The following COL14A1 variants were observed in gnomAD, a reference collection of about 807,000 sequenced individuals.
The protein encoded by COL14A1 is collagen type XIV alpha 1 chain, also known as collagen alpha-1(XIV) chain.
In COL14A1, 136 loss-of-function variants were observed where a neutral mutation model predicts 230.3. That is an observed-to-expected ratio of 0.59 (90% CI 0.51 to 0.68). The LOEUF is 0.68. Among genes scored for constraint, COL14A1 ranks in the 30% least tolerant of loss-of-function variants. The probability of loss-of-function intolerance (pLI) is 0.00; values close to 1 mark genes in which losing one functional copy is unlikely to be tolerated. For synonymous variants in COL14A1, 792 were observed against 784.1 expected (o/e 1.01, Z -0.17); for missense variants, 1,976 against 2,215.8 (o/e 0.89, Z 2.17).
chr8:120,164,256 G>A (rs1815788740), intron 4 of COL14A1, among the ~76,000 whole-genome samples: 1 of 152,044 alleles, frequency 6.6e-6, no homozygotes, highest in African/African-American at 2.4e-5. Context: ...ATTATTTTTT[G>A]AGGAAATCAC....
chr8:120,140,270 C>T (rs1398188559), intron 1 of COL14A1, among the ~76,000 whole-genome samples: 1 of 151,908 alleles, frequency 6.6e-6, no homozygotes, highest in African/African-American at 2.4e-5. Flanking sequence ...AATATGATTG[C>T]TGGCAATCTT....
At chr8:120,313,582 C>G (rs1821113035) in intron 37 of COL14A1, among the ~76,000 whole-genome samples, 1 of 152,020 alleles carries the variant, frequency 6.6e-6, no homozygotes, top group Non-Finnish European at 1.5e-5. Flanking sequence ...GTGAACCTTC[C>G]CAGACTAGGA....
chr8:120,282,579 AT>A (rs1820071530), intron 31 of COL14A1, among the ~76,000 whole-genome samples: 1 of 152,200 alleles, frequency 6.6e-6, no homozygotes, highest in South Asian at 2.1e-4. Context: ...ATGAATATTT[AT>A]TTTTATCTAT....
chr8:120,320,438 A>T (rs1821398207), intron 40 of COL14A1, among the ~76,000 whole-genome samples: 1 of 152,146 alleles, frequency 6.6e-6, no homozygotes, highest in Admixed American at 6.5e-5. Context: ...ATGCTTCTAG[A>T]TTATGCAGGT....
chr8:120,142,259 C>A (rs1254792105), intron 1 of COL14A1, among the ~76,000 whole-genome samples: 1 of 152,158 alleles, frequency 6.6e-6, no homozygotes, highest in Non-Finnish European at 1.5e-5. Context: ...GTGTGACTGG[C>A]AGATTTACTG....
At chr8:120,208,470 T>A in intron 11 of COL14A1, 109 bp downstream of exon 11, 1 of 1,180,638 alleles carries the variant, frequency 8.5e-7, no homozygotes, top group Non-Finnish European at 1.2e-6. Context: ...CTGAATCGAA[T>A]TCAATCAAAT....
intron 17 of COL14A1, among the ~76,000 whole-genome samples, chr8:120,228,152 C>T (rs572207263): frequency 1.5e-4 from 23 of 152,242 alleles, no homozygotes; most frequent in East Asian, 5.8e-4. Flanking sequence ...TGAACTCAGG[C>T]GAGACAGTTC....
chr8:120,228,395 A>G (rs1274362062), intron 17 of COL14A1, among the ~76,000 whole-genome samples: 1 of 152,164 alleles, frequency 6.6e-6, no homozygotes, highest in Non-Finnish European at 1.5e-5. Context: ...ATTTCCCTTA[A>G]TTACCATGGC....
At chr8:120,195,728 C>T (rs190770026) in intron 5 of COL14A1, among the ~76,000 whole-genome samples, 27 of 152,238 alleles carry the variant, frequency 1.8e-4, no homozygotes, top group East Asian at 1.2e-3. Flanking sequence ...GAGACTTATT[C>T]GCTATTCAGA....
At chr8:120,296,061 A>G (rs1820518856) in intron 34 of COL14A1, among the ~76,000 whole-genome samples, 1 of 151,900 alleles carries the variant, frequency 6.6e-6, no homozygotes. Flanking sequence ...TTACTTTTGC[A>G]CCAACCTAAT....
At chr8:120,277,089 CCA>C (rs1819878173) in intron 26 of COL14A1, among the ~76,000 whole-genome samples, 1 of 152,000 alleles carries the variant, frequency 6.6e-6, no homozygotes, top group Non-Finnish European at 1.5e-5. Flanking sequence ...TCCAAAAGTT[CCA>C]CAGGAATAAA....
chr8:120,233,085 A>C (rs1408679143), intron 19 of COL14A1, among the ~76,000 whole-genome samples: 1 of 152,178 alleles, frequency 6.6e-6, no homozygotes, highest in African/African-American at 2.4e-5. Context: ...GTGACTGTTA[A>C]TATCCTTCTC....
rs111913411 is a variant in COL14A1 at position 120,172,271 on chromosome 8, C to T, written c.436+4024C>T. ...GTTCTAATGAGTCTCCTGCCTCAGC[C>T]TCCTGAGTAGCTGGGATTATAGGTA... On this transcript the variant is annotated intron_variant, in intron 5 of 47. Transcript: ENST00000297848. Among the ~76,000 whole-genome samples the T allele has an allele frequency of 8.2e-3, 1,249 of 152,168 alleles. 21 individuals are homozygous for T. Among genetic ancestry groups the T allele is most frequent in the African/African-American group, 0.029 (1,209 of 41,508 alleles).
chr8:120,197,113 A>C (rs1191686845), intron 6 of COL14A1, among the ~76,000 whole-genome samples, 167 bp downstream of exon 6: 2 of 152,188 alleles, frequency 1.3e-5, no homozygotes, highest in Admixed American at 6.5e-5. Context: ...TATTCCTTCT[A>C]ATTTTTGCAA....
chr8:120,143,041 A>C (rs1278778376), intron 1 of COL14A1, among the ~76,000 whole-genome samples: 1 of 152,210 alleles, frequency 6.6e-6, no homozygotes, highest in Non-Finnish European at 1.5e-5. Flanking sequence ...CTACTACCTG[A>C]AAGCTATATT....
Position 120,280,725 on chromosome 8 carries a change from C to A in COL14A1, c.3661C>A (p.His1221Asn). ...TGGTTTTCCAGCCTGTCCAGTGGTA[C>A]ACAAGGATGGCATTGATCTTGCAGG... ...ETASATCPVV[H>N]KDGIDLAGFK... The change falls in exon 30 of 48, where the codon CAC becomes AAC. Residue 1221 changes from histidine to asparagine, a missense_variant. By Grantham distance (68) the His-to-Asn change is moderately conservative. Transcript: ENST00000297848. 1.2e-6 allele frequency: 2 copies of A among 1,613,470 alleles called. No homozygotes were observed. Among genetic ancestry groups the A allele is most frequent in the Non-Finnish European group, 1.7e-6 (2 of 1,179,754 alleles).
chr8:120,315,128 G>T (rs1821171849), intron 38 of COL14A1, among the ~76,000 whole-genome samples: 1 of 152,110 alleles, frequency 6.6e-6, no homozygotes, highest in Admixed American at 6.5e-5. Context: ...CTAAAACTTT[G>T]GGAGGCCGAG....
chr8:120,213,067 A>G (rs1035119564), intron 13 of COL14A1, among the ~76,000 whole-genome samples: 6 of 152,214 alleles, frequency 3.9e-5, no homozygotes, highest in Non-Finnish European at 7.3e-5. Context: ...TTCCACTCAT[A>G]TCAAAATTAA....
chr8:120,230,872 C>T (rs1447959821), intron 18 of COL14A1, among the ~76,000 whole-genome samples: 1 of 152,072 alleles, frequency 6.6e-6, no homozygotes, highest in Non-Finnish European at 1.5e-5. Context: ...GGAGCAGGCA[C>T]CTTGAGAGAT....
Sources: allele counts gnomAD v4.1 joint callset (sites outside exome capture counted in the v4.1 genomes callset), GRCh38; gene constraint gnomAD v4.1.1; transcripts MANE v1.5; gene names NCBI Gene and HGNC (gene_info 2026-07-23, HGNC 2026-07-21).